Variants in LRMDA observed in about 807,000 individuals in gnomAD.
LRMDA encodes the protein leucine-rich melanocyte differentiation-associated protein.
Under a neutral mutation model 29.8 loss-of-function variants are expected in LRMDA, and 18 were observed. That is an observed-to-expected ratio of 0.60 (90% CI 0.42 to 0.90). LRMDA has a LOEUF of 0.90. Among genes scored for constraint, LRMDA ranks in the 40% least tolerant of loss-of-function variants. LRMDA has a pLI of 0.00. For missense variants in LRMDA, 273 were observed against 273.9 expected (o/e 1.00, Z 0.02); for synonymous variants, 125 against 109.4 (o/e 1.14, Z -0.89).
intron 2 of LRMDA, among the ~76,000 whole-genome samples, chr10:75,700,433 C>T (rs1461011385): frequency 2.0e-5 from 3 of 149,910 alleles, no homozygotes; most frequent in African/African-American, 7.3e-5. Context: ...TTTCCTTTCT[C>T]ATTCTTTTTT....
At chr10:75,712,323 AG>A (rs2132178690) in intron 2 of LRMDA, among the ~76,000 whole-genome samples, 1 of 151,872 alleles carries the variant, frequency 6.6e-6, no homozygotes, top group Admixed American at 6.6e-5. Flanking sequence ...GATAGGAATC[AG>A]GTTGAGTATT....
At chr10:75,478,226 T>C (rs1291065091) in intron 2 of LRMDA, among the ~76,000 whole-genome samples, 2 of 152,180 alleles carry the variant, frequency 1.3e-5, no homozygotes, top group African/African-American at 2.4e-5. Context: ...TGGAGAAAAA[T>C]AGCAAAGAGA....
At chr10:75,717,266 C>T (rs1842512953) in intron 2 of LRMDA, among the ~76,000 whole-genome samples, 1 of 151,966 alleles carries the variant, frequency 6.6e-6, no homozygotes, top group African/African-American at 2.4e-5. Flanking sequence ...ATGACTTCAG[C>T]AGGCATTGTA....
intron 2 of LRMDA, among the ~76,000 whole-genome samples, chr10:75,609,453 T>C (rs1341648404): frequency 6.6e-6 from 1 of 152,198 alleles, no homozygotes; most frequent in African/African-American, 2.4e-5. Flanking sequence ...CCATTGTCCA[T>C]TGGCCTTCCT....
At chr10:75,514,302 CCTT>C (rs1289387145) in intron 2 of LRMDA, among the ~76,000 whole-genome samples, 16 of 150,910 alleles carry the variant, frequency 1.1e-4, no homozygotes, top group South Asian at 1.1e-3. Context: ...CCTCCTTTTT[CCTT>C]CTTCTTCTTC....
intron 2 of LRMDA, among the ~76,000 whole-genome samples, chr10:75,549,172 G>T (rs1840113698): frequency 6.6e-6 from 1 of 152,090 alleles, no homozygotes; most frequent in African/African-American, 2.4e-5. Flanking sequence ...TTGTTGAGTA[G>T]TATTCTATTG....
At chr10:76,338,303 T>G (rs1221739631) in intron 6 of LRMDA, among the ~76,000 whole-genome samples, 1 of 151,796 alleles carries the variant, frequency 6.6e-6, no homozygotes, top group Non-Finnish European at 1.5e-5. Context: ...TAGTGTTGAG[T>G]GATTGAGCCT....
intron 5 of LRMDA, among the ~76,000 whole-genome samples, chr10:76,153,361 C>G (rs1850481731): frequency 1.3e-5 from 2 of 151,996 alleles, no homozygotes; most frequent in South Asian, 4.2e-4. Context: ...ATGGCTTGTA[C>G]TTTTGGTGTT....
intron 2 of LRMDA, among the ~76,000 whole-genome samples, chr10:75,850,975 A>G (rs1844722167): frequency 6.6e-6 from 1 of 152,226 alleles, no homozygotes; most frequent in Non-Finnish European, 1.5e-5. Context: ...GGTCTTTCTA[A>G]AAGTAAAATA....
chr10:76,120,068 GC>G (rs1157404321), intron 5 of LRMDA, among the ~76,000 whole-genome samples: 3 of 151,998 alleles, frequency 2.0e-5, no homozygotes, highest in Admixed American at 2.0e-4. Context: ...ATATAGAGCA[GC>G]CCCCTTTGAC....
chr10:76,047,110 T>C, intron 3 of LRMDA, 54 bp from the exon 4 acceptor site: 1 of 1,603,980 alleles, frequency 6.2e-7, no homozygotes, highest in African/African-American at 1.3e-5. Context: ...TCATGGCCTA[T>C]GCTCATTGCT....
intron 2 of LRMDA, among the ~76,000 whole-genome samples, chr10:75,844,504 G>A (rs568680198): frequency 6.6e-6 from 1 of 152,318 alleles, no homozygotes; most frequent in East Asian, 1.9e-4. Context: ...CAGGCTGGAT[G>A]TGTCTCTTTT....
At chr10:76,118,853 T>C (rs1849712803) in intron 5 of LRMDA, among the ~76,000 whole-genome samples, 1 of 148,584 alleles carries the variant, frequency 6.7e-6, no homozygotes, top group Admixed American at 6.7e-5. Flanking sequence ...TTTTTTTTTT[T>C]TTTTTTTTTT....
intron 6 of LRMDA, among the ~76,000 whole-genome samples, chr10:76,550,674 GGT>G (rs1251039225): frequency 6.6e-6 from 1 of 151,968 alleles, no homozygotes. Context: ...CCCTCCCCTG[GGT>G]AAGGTGTAGA....
chr10:76,273,473 G>T (rs764262303), intron 5 of LRMDA, among the ~76,000 whole-genome samples: 1 of 152,028 alleles, frequency 6.6e-6, no homozygotes, highest in Non-Finnish European at 1.5e-5. Context: ...TTAAAATCAC[G>T]TTGCCTTTTT....
chr10:76,082,989 C>G (rs1422067156), intron 5 of LRMDA, among the ~76,000 whole-genome samples: 1 of 152,164 alleles, frequency 6.6e-6, no homozygotes, highest in Admixed American at 6.5e-5. Context: ...CCTTGGAGTA[C>G]TGAGCAACAA....
At chr10:76,332,260 A>T (rs1157409117) in intron 6 of LRMDA, among the ~76,000 whole-genome samples, 1 of 152,238 alleles carries the variant, frequency 6.6e-6, no homozygotes, top group Non-Finnish European at 1.5e-5. Context: ...TGAATCTGTT[A>T]GACTATTACC....
chr10:76,379,795 C>T (rs1025099975), intron 6 of LRMDA, among the ~76,000 whole-genome samples: 13 of 152,102 alleles, frequency 8.5e-5, no homozygotes, highest in Admixed American at 2.6e-4. Context: ...TTTCTTGATG[C>T]GTGACCTTAG....
intron 5 of LRMDA, among the ~76,000 whole-genome samples, chr10:76,156,641 A>C (rs2132172113): frequency 6.6e-6 from 1 of 152,268 alleles, no homozygotes; most frequent in African/African-American, 2.4e-5. Context: ...TCTTTGACTT[A>C]TGATATTAGA....
Sources: gnomAD v4.1 joint callset for allele counts (sites outside exome capture counted in the v4.1 genomes callset) on GRCh38, gnomAD v4.1.1 for gene constraint, MANE v1.5 for transcripts, NCBI Gene and HGNC (gene_info 2026-07-23, HGNC 2026-07-21) for gene names.